Variants in LNP1 observed in about 807,000 individuals in gnomAD.
LNP1 encodes leukemia NUP98 fusion partner 1.
A neutral mutation model predicts 14.5 loss-of-function variants in LNP1; 12 were observed. The ratio of observed to expected loss-of-function variants is 0.83; its 90% CI spans 0.53 to 1.34. The LOEUF (loss-of-function observed/expected upper bound fraction) is 1.34, where lower values mean the gene tolerates loss of function less well. LNP1 is among the 40% of genes most tolerant of loss of function. The pLI is 0.00. For synonymous variants in LNP1, 75 were observed against 71.4 expected (o/e 1.05, Z -0.26); for missense variants, 198 against 210.9 (o/e 0.94, Z 0.38).
intron 1 of LNP1, among the ~76,000 whole-genome samples, chr3:100,406,377 A>G (rs1306696704): frequency 6.6e-6 from 1 of 152,124 alleles, no homozygotes; most frequent in Non-Finnish European, 1.5e-5. Flanking sequence ...CCCCACGAGG[A>G]CAGAAACTGT....
chr3:100,434,114 G>C (rs977999790), intron 2 of LNP1, among the ~76,000 whole-genome samples: 5 of 152,062 alleles, frequency 3.3e-5, no homozygotes, highest in African/African-American at 4.8e-5. Flanking sequence ...AATTGCTTTT[G>C]GTGTTTTCAT....
chr3:100,443,078 G>T (rs1707359805), intron 2 of LNP1, among the ~76,000 whole-genome samples: 1 of 152,168 alleles, frequency 6.6e-6, no homozygotes, highest in Non-Finnish European at 1.5e-5. Flanking sequence ...ATAGGTTGCT[G>T]TTATTTTCTT....
At chr3:100,420,708 A>T (rs1042118529) in intron 1 of LNP1, among the ~76,000 whole-genome samples, 2 of 152,210 alleles carry the variant, frequency 1.3e-5, no homozygotes, top group African/African-American at 4.8e-5. Flanking sequence ...TGTGTCAGAT[A>T]CATGGTTTGT....
At chr3:100,445,567 T>C (rs759295815) in intron 2 of LNP1, among the ~76,000 whole-genome samples, 1 of 152,232 alleles carries the variant, frequency 6.6e-6, no homozygotes, top group Non-Finnish European at 1.5e-5. Flanking sequence ...TACAGAGAGA[T>C]ACACGATGTA....
intron 2 of LNP1, among the ~76,000 whole-genome samples, chr3:100,441,871 G>T (rs949153905): frequency 6.6e-6 from 1 of 151,922 alleles, no homozygotes. Context: ...CACTATGCTG[G>T]CCAGGCTGGT....
chr3:100,450,635 C>A (rs1707428998), intron 2 of LNP1, among the ~76,000 whole-genome samples: 3 of 152,180 alleles, frequency 2.0e-5, no homozygotes, highest in Admixed American at 2.0e-4. Context: ...CCACGCCTGG[C>A]CTGGATGTCA....
At position 100,441,826 on chromosome 3, in the gene LNP1, C is replaced by A. The variant is rs192003145; in HGVS notation, c.157-9893C>A. Reference sequence around the variant, plus strand: ...TACAGGTGCCTGCCACCATACCCAGCTAATTTTTTTGTATTTTTAGTAGAG... The same window carrying A: ...TACAGGTGCCTGCCACCATACCCAGATAATTTTTTTGTATTTTTAGTAGAG... On this transcript the variant is annotated intron_variant, in intron 2 of 3. Coordinates refer to ENST00000383693, the MANE Select transcript of LNP1 (RefSeq NM_001085451.2). 5.9e-4 allele frequency among the ~76,000 whole-genome samples: 89 copies of A among 151,972 alleles called. 1 individual carries two copies. The highest frequency in any genetic ancestry group is 2.1e-3 in the African/African-American group (85 of 41,460).
chr3:100,409,606 ATTTTT>A lies in LNP1; in HGVS notation c.-34+7177_-34+7181del, dbSNP rs201827312. Among the ~76,000 whole-genome samples, 44 of 124,466 alleles carry A rather than the reference ATTTTT, an allele frequency of 3.5e-4. 1 individual carries two copies. The highest frequency in any genetic ancestry group is 1.3e-3 in the African/African-American group (41 of 31,166). 81.7% of individuals were successfully genotyped at this position (124,466 alleles called of 152,430 possible). A position where few individuals can be genotyped will look rare whatever the true frequency, so the allele number is the denominator to read the frequency against. ...CACACACACACATATATATATATAT[ATTTTT>A]TTTTTTTTTGAGTCTCACTCTTATA... On this transcript the variant is annotated intron_variant, in intron 1 of 3. Coordinates refer to ENST00000383693, the MANE Select transcript of LNP1 (RefSeq NM_001085451.2).
intron 1 of LNP1, among the ~76,000 whole-genome samples, chr3:100,413,263 C>A (rs1047580068): frequency 6.6e-6 from 1 of 152,148 alleles, no homozygotes; most frequent in Non-Finnish European, 1.5e-5. Flanking sequence ...AGCCCTTATG[C>A]GGTTATTTTT....
At chr3:100,402,502 T>C (rs1706921253) in intron 1 of LNP1, 63 bp downstream of exon 1, 1 of 152,182 alleles carries the variant, frequency 6.6e-6, no homozygotes, top group Non-Finnish European at 1.5e-5. Flanking sequence ...ACTAAAAAAA[T>C]GGGCTAAAAA....
chr3:100,409,754 C>G (rs1004046181), intron 1 of LNP1, among the ~76,000 whole-genome samples: 1 of 151,010 alleles, frequency 6.6e-6, no homozygotes, highest in African/African-American at 2.4e-5. Flanking sequence ...ACCACTGTGC[C>G]CAGCTAATTT....
rs77641392 is a variant in LNP1 at position 100,429,907 on chromosome 3, G to A, written c.156+22G>A. ...CCCAGTGAGTGATTGTCATGGAACC[G>A]GAGGGGAGAGCTGGAATAGGGGAGG... On this transcript the variant is annotated intron_variant, in intron 2 of 3. Transcript: ENST00000383693. 5.8e-3 allele frequency: 9,278 copies of A among 1,605,002 alleles called. 37 individuals carry two copies. The highest frequency in any genetic ancestry group is 6.5e-3 in the Non-Finnish European group (7,667 of 1,176,304).
chr3:100,430,520 G>A (rs889230550), intron 2 of LNP1, among the ~76,000 whole-genome samples: 1 of 152,214 alleles, frequency 6.6e-6, no homozygotes, highest in African/African-American at 2.4e-5. Context: ...TAGACTCAGT[G>A]ACATGTACAG....
chr3:100,426,246 T>C (rs527545940), intron 1 of LNP1, among the ~76,000 whole-genome samples: 2 of 152,318 alleles, frequency 1.3e-5, no homozygotes, highest in Admixed American at 1.3e-4. Flanking sequence ...CAGAGGAGTG[T>C]TGTAAACAAA....
chr3:100,421,927 G>A (rs376517285), intron 1 of LNP1, among the ~76,000 whole-genome samples: 24 of 152,126 alleles, frequency 1.6e-4, no homozygotes, highest in East Asian at 9.7e-4. Flanking sequence ...CCTAAATGTT[G>A]TATTTTGTCA....
chr3:100,404,313 G>A (rs754975782), intron 1 of LNP1, among the ~76,000 whole-genome samples: 3 of 151,952 alleles, frequency 2.0e-5, no homozygotes, highest in Non-Finnish European at 4.4e-5. Context: ...GTTCTTCTAC[G>A]CTCTGACCAA....
intron 3 of LNP1, 40 bp from the exon 4 acceptor site, chr3:100,455,737 G>T (rs990751635): frequency 6.2e-7 from 1 of 1,604,150 alleles, no homozygotes; most frequent in Non-Finnish European, 8.5e-7. Context: ...GTTGTCAGCT[G>T]CTTGTGCATT....
At chr3:100,411,515 T>C (rs767085320) in intron 1 of LNP1, among the ~76,000 whole-genome samples, 2 of 152,248 alleles carry the variant, frequency 1.3e-5, no homozygotes, top group Non-Finnish European at 2.9e-5. Flanking sequence ...AAATCTGTAG[T>C]ACTCTACAAG....
At chr3:100,403,832 T>C (rs1186160471) in intron 1 of LNP1, among the ~76,000 whole-genome samples, 6 of 152,212 alleles carry the variant, frequency 3.9e-5, no homozygotes, top group African/African-American at 1.2e-4. Context: ...AGGGGTGGAT[T>C]AGATTATTTT....
Sources: allele counts gnomAD v4.1 joint callset (sites outside exome capture counted in the v4.1 genomes callset), GRCh38; gene constraint gnomAD v4.1.1; transcripts MANE v1.5; gene names NCBI Gene and HGNC (gene_info 2026-07-23, HGNC 2026-07-21).